RXRG: variants seen among roughly 807,000 people sequenced by gnomAD.
The protein encoded by RXRG is retinoid X receptor gamma.
Under a neutral mutation model 49.2 loss-of-function variants are expected in RXRG, and 19 were observed. That is an observed-to-expected ratio of 0.39 (90% CI 0.27 to 0.57). The LOEUF (loss-of-function observed/expected upper bound fraction) is 0.57, where lower values mean the gene tolerates loss of function less well. RXRG is among the 20% of genes least tolerant of loss of function. The probability of loss-of-function intolerance (pLI) is 0.64; values close to 1 mark genes in which losing one functional copy is unlikely to be tolerated. For missense variants in RXRG, 452 were observed against 592.5 expected (o/e 0.76, Z 2.46); for synonymous variants, 224 against 216.6 (o/e 1.03, Z -0.30).
intron 1 of RXRG, chr1:165,437,199 A>C (rs1413422484): frequency 7.3e-6 from 10 of 1,367,612 alleles, no homozygotes; most frequent in Non-Finnish European, 9.8e-6. Flanking sequence ...GGGGAAGAAC[A>C]CCCTAGACCA....
At chr1:165,443,486 T>C (rs1378450104) in intron 1 of RXRG, among the ~76,000 whole-genome samples, 1 of 152,174 alleles carries the variant, frequency 6.6e-6, no homozygotes, top group Admixed American at 6.5e-5. Context: ...CCAAAGAACT[T>C]GAACATCACC....
At position 165,401,344 on chromosome 1, in the gene RXRG, G is replaced by T. The variant is rs942723779; in HGVS notation, c.1311C>A (p.Leu437=). 1 of 1,614,078 alleles carries T rather than the reference G, an allele frequency of 6.2e-7. No individual in the cohort carries two copies. The highest frequency in any genetic ancestry group is 1.3e-5 in the African/African-American group (1 of 74,926). ...TGTCCCCGATGAGCTTGAAGAAGAA[G>T]AGGTGCTCCAGGCATTTCAAGCCAA... ...RSIGLKCLEH[L]FFFKLIGDTP... The change falls in exon 10 of 10, where the codon CTC becomes CTA. Residue 437 remains leucine (L), a synonymous_variant. Coordinates refer to ENST00000359842, the MANE Select transcript of RXRG (RefSeq NM_006917.5).
At chr1:165,423,975 G>A (rs763103649) in intron 2 of RXRG, among the ~76,000 whole-genome samples, 3 of 152,104 alleles carry the variant, frequency 2.0e-5, no homozygotes, top group Non-Finnish European at 2.9e-5. Flanking sequence ...GCAGAAATTA[G>A]CAATGATAGA....
intron 2 of RXRG, among the ~76,000 whole-genome samples, chr1:165,424,064 T>G (rs1658405720): frequency 6.6e-6 from 1 of 151,598 alleles, no homozygotes; most frequent in South Asian, 2.1e-4. Context: ...CATTCCGGAG[T>G]CCAGCCAGCA....
intron 8 of RXRG, 59 bp downstream of exon 8, chr1:165,408,168 G>A: frequency 1.6e-6 from 2 of 1,265,410 alleles, no homozygotes; most frequent in Non-Finnish European, 2.3e-6. Flanking sequence ...GGGAGCACTG[G>A]AGGTTGACCG....
At chr1:165,421,700 T>C (rs1461652972) in intron 2 of RXRG, among the ~76,000 whole-genome samples, 2 of 151,976 alleles carry the variant, frequency 1.3e-5, no homozygotes, top group African/African-American at 4.8e-5. Flanking sequence ...TAGCTAACTT[T>C]TTTGTATTTT....
At chr1:165,410,499 G>A (rs539719985) in intron 6 of RXRG, among the ~76,000 whole-genome samples, 44 of 152,294 alleles carry the variant, frequency 2.9e-4, no homozygotes, top group East Asian at 1.9e-3. Context: ...TTATAAAGCC[G>A]TGGTAAAATT....
intron 1 of RXRG, 93 bp downstream of exon 1, chr1:165,444,752 T>A (rs1659107327): frequency 2.6e-6 from 3 of 1,136,222 alleles, no homozygotes; most frequent in Non-Finnish European, 4.0e-6. Context: ...TGTTCTCCTT[T>A]TAATTCAATA....
At chr1:165,424,146 C>T (rs1658408545) in intron 2 of RXRG, among the ~76,000 whole-genome samples, 2 of 152,154 alleles carry the variant, frequency 1.3e-5, no homozygotes, top group South Asian at 4.2e-4. Flanking sequence ...TTTCCTATAT[C>T]ACATTATCTA....
At chr1:165,408,464 C>T (rs1160516077) in intron 7 of RXRG, 146 bp from the exon 8 acceptor site, 4 of 629,890 alleles carry the variant, frequency 6.4e-6, no homozygotes, top group Non-Finnish European at 1.1e-5. Context: ...GAAAAAGATG[C>T]AACCCCTCAT....
intron 7 of RXRG, among the ~76,000 whole-genome samples, chr1:165,409,301 G>A (rs1373389839): frequency 6.6e-6 from 1 of 152,104 alleles, no homozygotes; most frequent in Non-Finnish European, 1.5e-5. Flanking sequence ...GCTGGCCTCT[G>A]AGTGGCTCCA....
chr1:165,437,211 G>A (rs1375251598), intron 1 of RXRG: 1 of 1,367,522 alleles, frequency 7.3e-7, no homozygotes, highest in African/African-American at 1.5e-5. Context: ...CCTAGACCAA[G>A]AAGAATGCCA....
intron 7 of RXRG, 40 bp from the exon 8 acceptor site, chr1:165,408,358 G>C (rs1000336592): frequency 2.8e-6 from 4 of 1,437,986 alleles, no homozygotes; most frequent in Non-Finnish European, 3.9e-6. Context: ...AAAACCGTAA[G>C]TAACAGGCCA....
chr1:165,401,117 G>A lies in RXRG; in HGVS notation c.*146C>T. ...AAAAGTCCACCTATAAAAGTCTCAT[G>A]TGTAGAAAGGTTTTCTTTATTATAA... On this transcript the variant is annotated 3_prime_UTR_variant, in exon 10 of 10. Coordinates refer to ENST00000359842, the MANE Select transcript of RXRG (RefSeq NM_006917.5). The A allele has an allele frequency of 1.5e-6, 1 of 675,322 alleles. No homozygotes were observed. Among genetic ancestry groups the A allele is most frequent in the South Asian group, 1.9e-5 (1 of 51,664 alleles). 41.8% of individuals were successfully genotyped at this position (675,322 alleles called of 1,614,324 possible). A position where few individuals can be genotyped will look rare whatever the true frequency, so the allele number is the denominator to read the frequency against.
chr1:165,417,088 T>C lies in RXRG; in HGVS notation c.575A>G (p.Gln192Arg), dbSNP rs1462126657. ...AAGGCACTTCTGATAGCGACAGTACTGGCAGCGGTTGCGCTGACGCTTGTC... is the reference window on the plus strand; with the variant it reads ...AAGGCACTTCTGATAGCGACAGTACCGGCAGCGGTTGCGCTGACGCTTGTC... ...LIDKRQRNRC[Q>R]YCRYQKCLVM... Residue 192 changes from glutamine (Q) to arginine (R), a missense_variant, in exon 4 of 10, where the codon CAG (glutamine) becomes CGG (arginine). Around this residue, in one of 2 missense-constraint regions of RXRG, gnomAD observed 286 missense variants for 440.9 expected, o/e 0.65. Transcript: ENST00000359842. 6.2e-7 allele frequency: 1 copy of C among 1,614,182 alleles called. No homozygotes were observed.
chr1:165,408,091 C>T (rs1657815761), intron 8 of RXRG, 136 bp downstream of exon 8: 2 of 712,990 alleles, frequency 2.8e-6, no homozygotes, highest in East Asian at 5.0e-5. Flanking sequence ...CTAGCTGACA[C>T]TGTGAGCTCT....
chr1:165,423,479 G>C (rs533910022), intron 2 of RXRG, among the ~76,000 whole-genome samples: 2 of 152,176 alleles, frequency 1.3e-5, no homozygotes, highest in Admixed American at 1.3e-4. Flanking sequence ...ACTGTGTTCA[G>C]CCCAAATCCT....
chr1:165,431,252 T>C (rs995006254), intron 1 of RXRG, among the ~76,000 whole-genome samples: 1 of 152,326 alleles, frequency 6.6e-6, no homozygotes, highest in South Asian at 2.1e-4. Flanking sequence ...GAGTACAAGA[T>C]GACTCAATTA....
chr1:165,414,632 C>A (rs1289478121), intron 4 of RXRG, among the ~76,000 whole-genome samples: 1 of 152,200 alleles, frequency 6.6e-6, no homozygotes, highest in Non-Finnish European at 1.5e-5. Flanking sequence ...CCTGCAGTCA[C>A]TGGACTCTTG....
Sources: allele counts gnomAD v4.1 joint callset (sites outside exome capture counted in the v4.1 genomes callset), GRCh38; gene constraint gnomAD v4.1.1; regional missense constraint gnomAD v4.1.1; transcripts MANE v1.5; gene names NCBI Gene and HGNC (gene_info 2026-07-23, HGNC 2026-07-21).